FMN1: variants seen among roughly 807,000 people sequenced by gnomAD.
FMN1 encodes formin 1.
Under a neutral mutation model 132.4 loss-of-function variants are expected in FMN1, and 110 were observed. That is an observed-to-expected ratio of 0.83 (90% confidence interval 0.71 to 0.97). The LOEUF is 0.97. Ranked by LOEUF, FMN1 falls within the 50% of genes least tolerant of loss-of-function variation. The pLI is 0.00. For synonymous variants in FMN1, 722 were observed against 651.7 expected (o/e 1.11, Z -1.64); for missense variants, 1,792 against 1,705.3 (o/e 1.05, Z -0.90).
At chr15:32,858,029 G>C (rs1447785419) in intron 16 of FMN1, among the ~76,000 whole-genome samples, 1 of 152,158 alleles carries the variant, frequency 6.6e-6, no homozygotes, top group African/African-American at 2.4e-5. Flanking sequence ...TTGTCCAAAA[G>C]CCTATTAATA....
intron 6 of FMN1, among the ~76,000 whole-genome samples, chr15:33,030,036 T>C (rs2035862908): frequency 6.6e-6 from 1 of 152,138 alleles, no homozygotes; most frequent in Admixed American, 6.6e-5. Flanking sequence ...CGGGTACCTG[T>C]AGTCCCAGCT....
intron 19 of FMN1, among the ~76,000 whole-genome samples, chr15:32,786,883 T>C (rs898607667): frequency 1.3e-5 from 2 of 152,226 alleles, no homozygotes; most frequent in Admixed American, 6.5e-5. Context: ...TTCAGGTCTT[T>C]TGATACTACT....
chr15:33,026,823 G>A (rs112003703), intron 6 of FMN1, among the ~76,000 whole-genome samples: 44 of 152,250 alleles, frequency 2.9e-4, no homozygotes, highest in African/African-American at 1.0e-3. Context: ...TACCCAGGAG[G>A]CCAGGCTACC....
chr15:32,884,092 CAGAA>C (rs144501793), intron 16 of FMN1, among the ~76,000 whole-genome samples: 28,635 of 152,018 alleles, frequency 0.19, 2,832 homozygotes, highest in East Asian at 0.24. Flanking sequence ...CTGGTGCAAT[CAGAA>C]AGAAGAGTCC....
At chr15:32,901,185 A>G (rs1016482709) in intron 13 of FMN1, among the ~76,000 whole-genome samples, 1 of 152,108 alleles carries the variant, frequency 6.6e-6, no homozygotes, top group Admixed American at 6.6e-5. Context: ...AGAAAGAAAA[A>G]AAATTCAGCT....
rs781502429 is a variant in FMN1, at chr15:33,125,555, A to C, written c.1867+27493T>G. On this transcript the variant is annotated intron_variant, in intron 4 of 20. Coordinates refer to ENST00000616417, the MANE Select transcript of FMN1 (RefSeq NM_001277313.2). ...AAATTACAGCTTAAAAAAATTCAGA[A>C]TAGGTGGGGCATGGTGTCTCACACC... Among the ~76,000 whole-genome samples, 8 of 152,168 alleles carry C rather than the reference A, an allele frequency of 5.3e-5. No individual in the cohort carries two copies. The East Asian group carries it at 7.7e-4, about 15-fold the overall frequency.
rs2140850583 is a variant in FMN1 at position 32,773,253 on chromosome 15, T to G, written c.*1057A>C. 6.6e-6 allele frequency: 1 copy of G among 152,326 alleles called. No homozygotes were observed. The highest frequency in any genetic ancestry group is 3.4e-3 in the Middle Eastern group (1 of 296). The allele number at this position is 152,326 out of a possible 1,614,324, so 9.4% of individuals were successfully genotyped here. A position where few individuals can be genotyped will look rare whatever the true frequency, so the allele number is the denominator to read the frequency against. Reference sequence around the variant, plus strand: ...CCTTTTTTCTGCCCTTCAGTTTTTTTGACATTAAAGAGTCCTGCTTCATCC... The same window carrying G: ...CCTTTTTTCTGCCCTTCAGTTTTTTGGACATTAAAGAGTCCTGCTTCATCC... On this transcript the variant is annotated 3_prime_UTR_variant, in exon 21 of 21. Coordinates refer to ENST00000616417, the MANE Select transcript of FMN1 (RefSeq NM_001277313.2).
At chr15:32,879,798 C>A (rs1418009324) in intron 16 of FMN1, among the ~76,000 whole-genome samples, 1 of 152,168 alleles carries the variant, frequency 6.6e-6, no homozygotes, top group Admixed American at 6.5e-5. Flanking sequence ...TTTCAACACA[C>A]CAGCCTCTGT....
intron 4 of FMN1, among the ~76,000 whole-genome samples, chr15:33,115,180 T>A (rs774128707): frequency 2.0e-5 from 3 of 152,080 alleles, no homozygotes; most frequent in Admixed American, 6.6e-5. Flanking sequence ...CTAAATAAAT[T>A]CTTAGAATTT....
intron 4 of FMN1, among the ~76,000 whole-genome samples, chr15:33,118,262 T>C (rs1341949510): frequency 6.6e-6 from 1 of 152,216 alleles, no homozygotes. Flanking sequence ...GTAAGAGATT[T>C]TCTCATTTGT....
intron 5 of FMN1, among the ~76,000 whole-genome samples, chr15:33,069,994 T>TCTCTC (rs1555393425): frequency 3.1e-5 from 1 of 32,562 alleles, no homozygotes; most frequent in African/African-American, 1.2e-4. Flanking sequence ...AGTCTTTCTC[T>TCTCTC]TTTTTTTTTT....
intron 17 of FMN1, chr15:32,810,939 G>A (rs1408838517): frequency 2.2e-6 from 1 of 455,982 alleles, no homozygotes; most frequent in Non-Finnish European, 4.4e-6. Context: ...TGGGAGCCGG[G>A]TGATGCTAAC....
chr15:33,078,095 G>T (rs2038294729), intron 5 of FMN1, among the ~76,000 whole-genome samples: 1 of 152,196 alleles, frequency 6.6e-6, no homozygotes, highest in South Asian at 2.1e-4. Flanking sequence ...ACATATTGGG[G>T]TTTAGCATGA....
chr15:33,162,371 A>G lies in FMN1; in HGVS notation c.-131-7326T>C, dbSNP rs1352468688. ...ACGTAGGAATAATAACAAAATTACT[A>G]CAATACACAGCAGAAAGAGACCTAT... On this transcript the variant is annotated intron_variant, in intron 3 of 20. Transcript: ENST00000616417. 3.9e-5 allele frequency among the ~76,000 whole-genome samples: 6 copies of G among 152,104 alleles called. No individual in the cohort carries two copies. The East Asian group carries it at 7.7e-4, about 20-fold the overall frequency.
intron 7 of FMN1, among the ~76,000 whole-genome samples, chr15:33,006,671 AAT>A (rs1167010752): frequency 6.6e-6 from 1 of 152,250 alleles, no homozygotes; most frequent in African/African-American, 2.4e-5. Flanking sequence ...GGTTAAAAAA[AAT>A]GTGGTTTATA....
intron 1 of FMN1, among the ~76,000 whole-genome samples, chr15:33,194,353 A>C (rs1429400609): frequency 7.6e-6 from 1 of 131,512 alleles, no homozygotes; most frequent in Non-Finnish European, 1.5e-5. Flanking sequence ...TGTAGTGAGG[A>C]GCGTTGGGAT....
intron 19 of FMN1, among the ~76,000 whole-genome samples, chr15:32,785,362 C>T (rs1229352809): frequency 6.7e-6 from 1 of 150,070 alleles, no homozygotes; most frequent in African/African-American, 2.5e-5. Flanking sequence ...CAGACAAAGG[C>T]TAAGTTATAT....
intron 7 of FMN1, among the ~76,000 whole-genome samples, chr15:32,979,021 G>A (rs74422464): frequency 1.1e-4 from 17 of 152,224 alleles, no homozygotes; most frequent in African/African-American, 4.1e-4. Flanking sequence ...GACTCTAGGA[G>A]TACTGACTAG....
intron 17 of FMN1, among the ~76,000 whole-genome samples, chr15:32,805,185 T>A (rs1415170184): frequency 1.3e-5 from 2 of 152,218 alleles, no homozygotes; most frequent in Admixed American, 1.3e-4. Flanking sequence ...TCCTGACTTT[T>A]TAGTGATCGC....
Sources: gnomAD v4.1 joint callset for allele counts (sites outside exome capture counted in the v4.1 genomes callset) on GRCh38, gnomAD v4.1.1 for gene constraint, MANE v1.5 for transcripts, NCBI Gene and HGNC (gene_info 2026-07-23, HGNC 2026-07-21) for gene names.